Variants in SPOCK3 observed in about 807,000 individuals in gnomAD.
SPOCK3 encodes the protein testican-3.
In SPOCK3, 30 loss-of-function variants were observed where a neutral mutation model predicts 56.6. That is an observed-to-expected ratio of 0.53 (90% CI 0.40 to 0.72). The LOEUF is 0.72. SPOCK3 is among the 30% of genes least tolerant of loss of function. The pLI is 0.00. For synonymous variants in SPOCK3, 196 were observed against 183.3 expected, an observed-to-expected ratio of 1.07 and a Z score of -0.56; for missense variants, 527 against 530.0, an observed-to-expected ratio of 0.99 and a Z score of 0.06.
At chr4:166,926,292 A>G (rs1739088317) in intron 4 of SPOCK3, among the ~76,000 whole-genome samples, 1 of 152,194 alleles carries the variant, frequency 6.6e-6, no homozygotes, top group Non-Finnish European at 1.5e-5. Context: ...CTCATATTCA[A>G]TAATTATTTG....
chr4:167,039,676 TAAAA>T (rs34598758), intron 3 of SPOCK3, among the ~76,000 whole-genome samples: 4 of 150,502 alleles, frequency 2.7e-5, no homozygotes, highest in East Asian at 2.0e-4. Context: ...ATTTACTAAA[TAAAA>T]AAAAAAAAAT....
intron 5 of SPOCK3, among the ~76,000 whole-genome samples, chr4:166,903,125 A>G (rs1176403528): frequency 6.8e-6 from 1 of 147,366 alleles, no homozygotes; most frequent in African/African-American, 2.5e-5. Context: ...AATTATTTAT[A>G]ATATAAATTA....
At chr4:166,792,759 C>T (rs945843782) in intron 6 of SPOCK3, among the ~76,000 whole-genome samples, 2 of 152,024 alleles carry the variant, frequency 1.3e-5, no homozygotes, top group Non-Finnish European at 2.9e-5. Flanking sequence ...TAAATATATA[C>T]TGTTCCTATT....
intron 3 of SPOCK3, among the ~76,000 whole-genome samples, chr4:167,015,217 C>T (rs1750503338): frequency 6.6e-6 from 1 of 152,062 alleles, no homozygotes; most frequent in African/African-American, 2.4e-5. Context: ...AACTACATCT[C>T]ATTTTCCCAA....
At chr4:166,750,828 T>G (rs1481636328) in intron 8 of SPOCK3, among the ~76,000 whole-genome samples, 1 of 152,202 alleles carries the variant, frequency 6.6e-6, no homozygotes. Flanking sequence ...TTGAAAGAAG[T>G]CATTTCTAAG....
chr4:166,748,198 A>G (rs1032442100), intron 8 of SPOCK3, among the ~76,000 whole-genome samples: 1 of 123,556 alleles, frequency 8.1e-6, no homozygotes, highest in Non-Finnish European at 1.7e-5. Context: ...AGCCAAAAGA[A>G]CAAAGCTGGA....
intron 6 of SPOCK3, among the ~76,000 whole-genome samples, chr4:166,884,797 C>T (rs909769067): frequency 6.6e-6 from 1 of 151,718 alleles, no homozygotes; most frequent in African/African-American, 2.4e-5. Flanking sequence ...AAAATTTATA[C>T]CCTTAATGAA....
intron 2 of SPOCK3, among the ~76,000 whole-genome samples, chr4:167,100,457 T>A (rs10027321): frequency 0.042 from 6,331 of 149,488 alleles, 168 homozygotes; most frequent in Middle Eastern, 0.086. Flanking sequence ...TCTCTCTCTC[T>A]CACACACACA....
At chr4:167,120,507 C>A (rs1761775592) in intron 2 of SPOCK3, among the ~76,000 whole-genome samples, 1 of 151,926 alleles carries the variant, frequency 6.6e-6, no homozygotes, top group Non-Finnish European at 1.5e-5. Flanking sequence ...GACAATCTAG[C>A]ATTGATTATA....
chr4:166,948,333 T>G (rs1742045886), intron 4 of SPOCK3, among the ~76,000 whole-genome samples: 1 of 152,160 alleles, frequency 6.6e-6, no homozygotes, highest in Non-Finnish European at 1.5e-5. Flanking sequence ...AGTGCAGACA[T>G]TACTTTTATT....
intron 5 of SPOCK3, among the ~76,000 whole-genome samples, chr4:166,899,295 T>TATCC (rs1182058140): frequency 6.6e-6 from 1 of 151,302 alleles, no homozygotes; most frequent in African/African-American, 2.4e-5. Flanking sequence ...TCTATCTATC[T>TATCC]ATCTATGTAC....
chr4:166,942,787 TAGC>T (rs1741256216), intron 4 of SPOCK3, among the ~76,000 whole-genome samples: 1 of 152,200 alleles, frequency 6.6e-6, no homozygotes, highest in Admixed American at 6.5e-5. Flanking sequence ...TATAACAACT[TAGC>T]AGCTGTACTG....
chr4:167,187,226 A>C (rs1050944355), intron 2 of SPOCK3, among the ~76,000 whole-genome samples: 1 of 150,700 alleles, frequency 6.6e-6, no homozygotes, highest in African/African-American at 2.4e-5. Context: ...TTTCATTCAC[A>C]CAAAACTTTG....
At chr4:166,740,019 AC>A (rs1217700277) in intron 9 of SPOCK3, among the ~76,000 whole-genome samples, 1 of 152,194 alleles carries the variant, frequency 6.6e-6, no homozygotes, top group Non-Finnish European at 1.5e-5. Context: ...TTTTACAACT[AC>A]CATTTGAATT....
At chr4:167,157,363 A>AT (rs1764902725) in intron 2 of SPOCK3, among the ~76,000 whole-genome samples, 4 of 152,026 alleles carry the variant, frequency 2.6e-5, no homozygotes, top group African/African-American at 9.7e-5. Context: ...AGCAATTTAC[A>AT]ATTTTTTTGG....
At chr4:166,823,068 A>G (rs1464820199) in intron 6 of SPOCK3, among the ~76,000 whole-genome samples, 4 of 152,102 alleles carry the variant, frequency 2.6e-5, no homozygotes, top group Non-Finnish European at 5.9e-5. Flanking sequence ...AAGAGTTCAC[A>G]TTATGATGAA....
intron 4 of SPOCK3, among the ~76,000 whole-genome samples, chr4:166,963,653 C>A (rs898870092): frequency 6.6e-6 from 1 of 151,856 alleles, no homozygotes; most frequent in Non-Finnish European, 1.5e-5. Context: ...TTTAAAAAAA[C>A]AAATTAAAAT....
intron 6 of SPOCK3, among the ~76,000 whole-genome samples, chr4:166,819,609 C>T (rs1056395580): frequency 1.3e-5 from 2 of 151,890 alleles, no homozygotes; most frequent in African/African-American, 2.4e-5. Context: ...TAATCAAGAA[C>T]ACAATTCCAT....
intron 2 of SPOCK3, among the ~76,000 whole-genome samples, chr4:167,096,059 A>G (rs1308990511): frequency 2.0e-5 from 3 of 151,898 alleles, no homozygotes; most frequent in East Asian, 1.9e-4. Flanking sequence ...CAAAATAGCT[A>G]TTGGCTTTCT....
Sources: allele counts gnomAD v4.1 joint callset (sites outside exome capture counted in the v4.1 genomes callset), GRCh38; gene constraint gnomAD v4.1.1; transcripts MANE v1.5; gene names NCBI Gene and HGNC (gene_info 2026-07-23, HGNC 2026-07-21).